CNKSR3: variants seen among roughly 807,000 people sequenced by gnomAD.
CNKSR3 encodes the protein CNKSR family member 3.
A neutral mutation model predicts 67.7 loss-of-function variants in CNKSR3; 36 were observed. The ratio of observed to expected loss-of-function variants is 0.53; its 90% CI spans 0.41 to 0.70. The LOEUF is 0.70. Ranked by LOEUF, CNKSR3 falls within the 30% of genes least tolerant of loss-of-function variation. The probability of loss-of-function intolerance (pLI) is 0.00; values close to 1 mark genes in which losing one functional copy is unlikely to be tolerated. For missense variants in CNKSR3, 630 were observed against 695.2 expected (o/e 0.91, Z 1.05); for synonymous variants, 281 against 271.4 (o/e 1.04, Z -0.35).
intron 5 of CNKSR3, among the ~76,000 whole-genome samples, chr6:154,432,993 A>G (rs1480616942): frequency 6.6e-6 from 1 of 152,234 alleles, no homozygotes; most frequent in Non-Finnish European, 1.5e-5. Flanking sequence ...AGTAGGAGGA[A>G]GGCCTTATCA....
At chr6:154,465,579 C>T (rs1434502020) in intron 1 of CNKSR3, among the ~76,000 whole-genome samples, 1 of 152,282 alleles carries the variant, frequency 6.6e-6, no homozygotes, top group East Asian at 1.9e-4. Context: ...CCAGGGGACT[C>T]ACATTCTCAC....
At chr6:154,502,137 C>T (rs762945650) in intron 1 of CNKSR3, among the ~76,000 whole-genome samples, 1 of 151,312 alleles carries the variant, frequency 6.6e-6, no homozygotes. Context: ...CCTGTATTTC[C>T]TCTTTTAATT....
chr6:154,470,492 A>G (rs1295628677), intron 1 of CNKSR3, among the ~76,000 whole-genome samples: 1 of 152,088 alleles, frequency 6.6e-6, no homozygotes, highest in South Asian at 2.1e-4. Flanking sequence ...TTCTATCTCT[A>G]TGATTTGCCT....
rs955417022 is a variant in CNKSR3 at position 154,501,076 on chromosome 6, G to A, written c.52+8987C>T. 2.0e-5 allele frequency among the ~76,000 whole-genome samples: 3 copies of A among 152,166 alleles called. No homozygotes were observed. The East Asian group carries it at 5.8e-4, about 29-fold the overall frequency. On this transcript the variant is annotated intron_variant, in intron 1 of 12. Coordinates refer to ENST00000607772, the MANE Select transcript of CNKSR3 (RefSeq NM_173515.4). The stretch of plus-strand genomic sequence containing the variant: ...TCATACTTGGCCAGAGAGGAGCCAG[G>A]GGCAGAGGAGAGCATCTACCTTAGC...
intron 4 of CNKSR3, among the ~76,000 whole-genome samples, chr6:154,437,039 G>T (rs761336377): frequency 3.3e-5 from 5 of 152,048 alleles, no homozygotes; most frequent in African/African-American, 7.2e-5. Flanking sequence ...GAAGAAGAAG[G>T]GGGGACGGCA....
rs758722135 is a variant in CNKSR3 at position 154,411,939 on chromosome 6, A to T, written c.1071-797T>A. On this transcript the variant is annotated intron_variant, in intron 10 of 12. Transcript: ENST00000607772. ...CCAATGGAGAGTGATTCTTTTCTGA[A>T]TCAAATACTACAAAAACCAGCAAAA... is the stretch of plus-strand genomic sequence containing the variant. Among the ~76,000 whole-genome samples the T allele has an allele frequency of 5.3e-5, 8 of 152,324 alleles. No individual in the cohort carries two copies. The South Asian group carries it at 6.2e-4, about 12-fold the overall frequency.
intron 1 of CNKSR3, among the ~76,000 whole-genome samples, chr6:154,505,481 T>TTTATTA (rs765888649): frequency 2.1e-5 from 3 of 145,362 alleles, no homozygotes; most frequent in African/African-American, 2.6e-5. Context: ...ACTACACAAT[T>TTTATTA]TTATTATTAT....
At position 154,480,191 on chromosome 6, in the gene CNKSR3, C is replaced by T. The variant is rs997823964; in HGVS notation, c.52+29872G>A. ...CTTTTAAATGTCTAAATAACAAGTA[C>T]CATTTCCTGAGCCCTTCTGTATTCC... On this transcript the variant is annotated intron_variant, in intron 1 of 12. Transcript: ENST00000607772. 3.9e-5 allele frequency among the ~76,000 whole-genome samples: 6 copies of T among 152,176 alleles called. No homozygotes were observed. The East Asian group carries it at 1.2e-3, about 29-fold the overall frequency.
At chr6:154,474,487 G>A (rs1582889639) in intron 1 of CNKSR3, among the ~76,000 whole-genome samples, 2 of 151,812 alleles carry the variant, frequency 1.3e-5, no homozygotes, top group South Asian at 4.2e-4. Flanking sequence ...AGCTATTATT[G>A]TTCTTGGAAC....
intron 1 of CNKSR3, among the ~76,000 whole-genome samples, chr6:154,451,489 ACACACG>A (rs1785827573): frequency 7.2e-5 from 1 of 13,896 alleles, no homozygotes; most frequent in Non-Finnish European, 1.2e-4. Context: ...ACACACACGC[ACACACG>A]CATACATGCA....
At chr6:154,447,042 G>A (rs1384080706) in intron 2 of CNKSR3, among the ~76,000 whole-genome samples, 1 of 152,084 alleles carries the variant, frequency 6.6e-6, no homozygotes, top group African/African-American at 2.4e-5. Flanking sequence ...CTGACCTTGT[G>A]ATCCGCCTGC....
At chr6:154,443,117 C>T (rs969295261) in intron 2 of CNKSR3, among the ~76,000 whole-genome samples, 3 of 151,984 alleles carry the variant, frequency 2.0e-5, no homozygotes, top group Non-Finnish European at 4.4e-5. Flanking sequence ...AGGCTGGTCT[C>T]GAACTTGTGA....
intron 1 of CNKSR3, among the ~76,000 whole-genome samples, chr6:154,497,887 C>T (rs1484233909): frequency 6.6e-6 from 1 of 152,220 alleles, no homozygotes; most frequent in Non-Finnish European, 1.5e-5. Context: ...AGATAACTTA[C>T]TAATTTACGT....
At chr6:154,416,281 G>A (rs1204874465) in intron 9 of CNKSR3, among the ~76,000 whole-genome samples, 1 of 152,172 alleles carries the variant, frequency 6.6e-6, no homozygotes, top group Non-Finnish European at 1.5e-5. Flanking sequence ...GATTCACAGA[G>A]GACAGCTCAT....
chr6:154,481,851 C>A (rs1177542853), intron 1 of CNKSR3, among the ~76,000 whole-genome samples: 2 of 152,176 alleles, frequency 1.3e-5, no homozygotes, highest in African/African-American at 2.4e-5. Flanking sequence ...GGGACAACTG[C>A]CACTGTACTT....
chr6:154,407,647 C>A (rs139376516), intron 12 of CNKSR3, among the ~76,000 whole-genome samples: 2 of 152,040 alleles, frequency 1.3e-5, no homozygotes, highest in South Asian at 4.2e-4. Context: ...ACTACAGGTG[C>A]GCACAACCAC....
At chr6:154,505,436 G>C (rs1483698566) in intron 1 of CNKSR3, among the ~76,000 whole-genome samples, 1 of 151,264 alleles carries the variant, frequency 6.6e-6, no homozygotes, top group Non-Finnish European at 1.5e-5. Flanking sequence ...TTCTGTCCTG[G>C]GACCAAAGGT....
chr6:154,464,004 A>G (rs1274353933), intron 1 of CNKSR3, among the ~76,000 whole-genome samples: 1 of 152,240 alleles, frequency 6.6e-6, no homozygotes, highest in Middle Eastern at 3.2e-3. Flanking sequence ...CAGGGCAGGA[A>G]TTGGCACTAT....
intron 1 of CNKSR3, among the ~76,000 whole-genome samples, chr6:154,503,380 C>T (rs951971551): frequency 1.3e-5 from 2 of 152,122 alleles, no homozygotes; most frequent in Non-Finnish European, 2.9e-5. Flanking sequence ...AATTCCAACA[C>T]TTTGGGAGAC....
Sources: gnomAD v4.1 joint callset for allele counts (sites outside exome capture counted in the v4.1 genomes callset) on GRCh38, gnomAD v4.1.1 for gene constraint, MANE v1.5 for transcripts, NCBI Gene and HGNC (gene_info 2026-07-23, HGNC 2026-07-21) for gene names.